Variants in RIPK1 observed in about 807,000 individuals in gnomAD.
The protein encoded by RIPK1 is receptor-interacting serine/threonine-protein kinase 1.
Under a neutral mutation model 62.4 loss-of-function variants are expected in RIPK1, and 27 were observed. The ratio of observed to expected loss-of-function variants is 0.43; its 90% CI spans 0.32 to 0.60. The LOEUF (loss-of-function observed/expected upper bound fraction) is 0.60. RIPK1 is among the 20% of genes least tolerant of loss of function. The pLI is 0.07. For synonymous variants in RIPK1, 287 were observed against 303.2 expected (o/e 0.95, Z 0.55); for missense variants, 735 against 831.0 (o/e 0.88, Z 1.42).
chr6:3,087,797 C>T (rs1340597650), intron 6 of RIPK1, among the ~76,000 whole-genome samples: 1 of 39,444 alleles, frequency 2.5e-5, no homozygotes, highest in Non-Finnish European at 1.8e-4. Flanking sequence ...CCTCGGCCTC[C>T]CAAAGTGTGG....
intron 9 of RIPK1, among the ~76,000 whole-genome samples, chr6:3,110,302 G>A (rs1427310055): frequency 6.6e-6 from 1 of 150,758 alleles, no homozygotes; most frequent in Non-Finnish European, 1.5e-5. Flanking sequence ...TCCGCCTCCT[G>A]GGTTCAAGTG....
chr6:3,076,633 T>C (rs1364295431), intron 1 of RIPK1, 131 bp from the exon 2 acceptor site: 1 of 176,444 alleles, frequency 5.7e-6, no homozygotes, highest in Non-Finnish European at 1.1e-5. Context: ...TGAGCTATGA[T>C]TGTGCCACTG....
chr6:3,103,796 G>A (rs1227651903), intron 7 of RIPK1, among the ~76,000 whole-genome samples: 5 of 152,156 alleles, frequency 3.3e-5, no homozygotes, highest in Non-Finnish European at 7.4e-5. Context: ...TCCATTGTGA[G>A]TTAATTTTTA....
At chr6:3,096,496 C>T (rs921789734) in intron 7 of RIPK1, among the ~76,000 whole-genome samples, 2 of 150,386 alleles carry the variant, frequency 1.3e-5, no homozygotes, top group African/African-American at 4.9e-5. Flanking sequence ...ACGAAGATGT[C>T]AGCTCTTCTC....
intron 7 of RIPK1, among the ~76,000 whole-genome samples, chr6:3,103,232 G>A (rs1273986036): frequency 2.7e-5 from 4 of 149,562 alleles, no homozygotes; most frequent in African/African-American, 4.9e-5. Context: ...TTTTTTTTAT[G>A]TTCTGGATTT....
At chr6:3,094,047 C>T (rs71547244) in intron 7 of RIPK1, among the ~76,000 whole-genome samples, 4 of 114,186 alleles carry the variant, frequency 3.5e-5, no homozygotes, top group Non-Finnish European at 6.4e-5. Flanking sequence ...GTAACTGCAG[C>T]GCGCCTACCT....
At chr6:3,077,456 G>GT (rs111604018) in intron 2 of RIPK1, among the ~76,000 whole-genome samples, 9,505 of 141,468 alleles carry the variant, frequency 0.067, 987 homozygotes, top group African/African-American at 0.22. Context: ...GAGAGAGGCT[G>GT]TTTTTTTTTT....
chr6:3,069,957 G>A (rs1758616638), intron 1 of RIPK1, among the ~76,000 whole-genome samples: 1 of 152,104 alleles, frequency 6.6e-6, no homozygotes, highest in South Asian at 2.1e-4. Context: ...GTTGCAGTGA[G>A]CCGAGATTGC....
In RIPK1 at chr6:3,105,712, C is replaced by T. The variant is rs1260308866; in HGVS notation, c.1237C>T (p.Arg413Cys). ...TTACAACAGAGAGGAGGAAAGGAGA[C>T]GCAGGGTCTCCCATGACCCTTTTGC... ...VAYNREEERR[R>C]RVSHDPFAQQ... Residue 413 changes from arginine to cysteine, a missense_variant, in exon 9 of 11, where the codon CGC (arginine) becomes TGC (cysteine). By Grantham distance (180) the Arg-to-Cys change is radical. Around this residue, in one of 2 missense-constraint regions of RIPK1, gnomAD observed 671 missense variants for 726.2 expected, o/e 0.92. Coordinates refer to ENST00000259808, the MANE Select transcript of RIPK1 (RefSeq NM_001354930.2). The surrounding 1 kb of genome is among the most constrained non-coding windows in gnomAD (Gnocchi z 4.5). 5 of 1,614,096 alleles carry T rather than the reference C, an allele frequency of 3.1e-6. No homozygotes were observed. Among genetic ancestry groups the T allele is most frequent in the Non-Finnish European group, 4.2e-6 (5 of 1,179,958 alleles).
At position 3,080,939 on chromosome 6, in the gene RIPK1, T is replaced by C. The variant is rs773475443; in HGVS notation, c.322-40T>C. The C allele has an allele frequency of 5.6e-6, 9 of 1,600,880 alleles. No homozygotes were observed. In the African/African-American group the frequency reaches 1.1e-4, roughly 19 times the overall value. On this transcript the variant is annotated intron_variant, in intron 3 of 10. Transcript: ENST00000259808. ...GAAACAGTTGCTTTGGCCTATTTGA[T>C]AACCTTTCCATTTCATAGACTTAAT...
At position 3,076,761 on chromosome 6, in the gene RIPK1, C is replaced by T. The variant is rs1366170328; in HGVS notation, c.-60-3C>T. 2.6e-6 allele frequency: 4 copies of T among 1,517,402 alleles called. No homozygotes were observed. Among genetic ancestry groups the T allele is most frequent in the Admixed American group, 2.0e-5 (1 of 50,658 alleles). 94.0% of individuals were successfully genotyped at this position (1,517,402 alleles called of 1,614,324 possible). ...TGAGGTTTTCTCTCTGTTTTCTTTA[C>T]AGGGTACAGCTCTGCCGGGGGGGGA... On this transcript the variant is annotated splice_polypyrimidine_tract_variant and splice_region_variant and intron_variant, in intron 1 of 10. Transcript: ENST00000259808.
At chr6:3,101,261 A>G (rs1760576259) in intron 7 of RIPK1, among the ~76,000 whole-genome samples, 1 of 152,156 alleles carries the variant, frequency 6.6e-6, no homozygotes, top group Non-Finnish European at 1.5e-5. Flanking sequence ...TCAAGAAAAA[A>G]AACAACAAAA....
intron 7 of RIPK1, among the ~76,000 whole-genome samples, chr6:3,095,804 C>T (rs7747298): frequency 0.074 from 11,085 of 150,410 alleles, 1,378 homozygotes; most frequent in African/African-American, 0.26. Flanking sequence ...TATCTTGAAA[C>T]GAACAGAAGT....
chr6:3,105,340 C>A lies in RIPK1; in HGVS notation c.1007-142C>A. 1.6e-6 allele frequency: 1 copy of A among 622,622 alleles called. No individual in the cohort carries two copies. Among genetic ancestry groups the A allele is most frequent in the African/African-American group, 1.8e-5 (1 of 54,888 alleles). 38.6% of individuals were successfully genotyped at this position (622,622 alleles called of 1,614,324 possible). A position where few individuals can be genotyped will look rare whatever the true frequency, so the allele number is the denominator to read the frequency against. On this transcript the variant is annotated intron_variant, in intron 8 of 10. Transcript: ENST00000259808. The surrounding 1 kb of genome is among the most constrained non-coding windows in gnomAD (Gnocchi z 4.5). ...ATTTGTAAAGCTTGTGGGAAGAGGA[C>A]CATCTCCTAAATGCTTTGGACTGGT...
At chr6:3,068,382 G>T, upstream of RIPK1, 2 of 985,484 alleles carry the variant, frequency 2.0e-6, no homozygotes, top group Non-Finnish European at 2.4e-6. Context: ...TAGCCCGCAA[G>T]AGAGCTCCGG....
intron 9 of RIPK1, among the ~76,000 whole-genome samples, chr6:3,106,964 T>C (rs1171650234): frequency 6.6e-6 from 1 of 152,188 alleles, no homozygotes; most frequent in Non-Finnish European, 1.5e-5. Flanking sequence ...GCTGGGGCCA[T>C]GGTTGGCCAG....
At chr6:3,069,730 C>T (rs185015482) in intron 1 of RIPK1, among the ~76,000 whole-genome samples, 3 of 152,242 alleles carry the variant, frequency 2.0e-5, no homozygotes, top group African/African-American at 4.8e-5. Context: ...TGGAATACTG[C>T]GTCGGGCACG....
chr6:3,109,742 T>C (rs549662881), intron 9 of RIPK1, among the ~76,000 whole-genome samples: 3 of 152,304 alleles, frequency 2.0e-5, no homozygotes, highest in African/African-American at 4.8e-5. Context: ...TATATAACTG[T>C]TTTAATCTTG....
At position 3,103,313 on chromosome 6, in the gene RIPK1, T is replaced by C. The variant is rs948692411; in HGVS notation, c.916-912T>C. On this transcript the variant is annotated intron_variant, in intron 7 of 10. Coordinates refer to ENST00000259808, the MANE Select transcript of RIPK1 (RefSeq NM_001354930.2). The stretch of plus-strand genomic sequence containing the variant: ...TTTATTTTATTTATTTATTTTTTTT[T>C]TGGAGACAGAATCTTGCTCTGTCGC... 3.9e-5 allele frequency among the ~76,000 whole-genome samples: 6 copies of C among 151,912 alleles called. No individual in the cohort carries two copies. The East Asian group carries it at 7.7e-4, about 19-fold the overall frequency.
Sources: allele counts gnomAD v4.1 joint callset (sites outside exome capture counted in the v4.1 genomes callset), GRCh38; gene constraint gnomAD v4.1.1; regional missense constraint gnomAD v4.1.1; non-coding constraint Gnocchi (gnomAD v3.1); transcripts MANE v1.5; gene names NCBI Gene and HGNC (gene_info 2026-07-23, HGNC 2026-07-21).